Variants in SHB observed in about 807,000 individuals in gnomAD.
The protein encoded by SHB is SH2 domain containing adaptor protein B.
SHB carries 20 observed loss-of-function variants against 52.3 expected under a neutral mutation model. The ratio of observed to expected loss-of-function variants is 0.38; its 90% CI spans 0.27 to 0.56. SHB has a LOEUF of 0.56. Ranked by LOEUF, SHB falls within the 20% of genes least tolerant of loss-of-function variation. The pLI is 0.71. For missense variants in SHB, 825 were observed against 723.3 expected (o/e 1.14, Z -1.61); for synonymous variants, 397 against 316.5 (o/e 1.25, Z -2.70).
At chr9:38,023,631 CA>C (rs972522133) in intron 1 of SHB, among the ~76,000 whole-genome samples, 1 of 152,320 alleles carries the variant, frequency 6.6e-6, no homozygotes, top group East Asian at 1.9e-4. Flanking sequence ...TTCTCAAACA[CA>C]AAAAGGAAAA....
In SHB at chr9:37,955,784, G is replaced by A. The variant is rs764991600; in HGVS notation, c.1226+99C>T. ...ATTACAGGTGTGAGCCACCACGCCCGGCCCAGTCTGTGGATTTTTAAAAGA... is the reference window on the plus strand; with the variant it reads ...ATTACAGGTGTGAGCCACCACGCCCAGCCCAGTCTGTGGATTTTTAAAAGA... On this transcript the variant is annotated intron_variant, in intron 4 of 5. Coordinates refer to ENST00000377707, the MANE Select transcript of SHB (RefSeq NM_003028.3). 1.2e-4 allele frequency: 150 copies of A among 1,209,182 alleles called. 1 individual carries two copies. In the East Asian group the frequency reaches 1.3e-3, roughly 11 times the overall value. The allele number at this position is 1,209,182 out of a possible 1,614,324, so 74.9% of individuals were successfully genotyped here. A position where few individuals can be genotyped will look rare whatever the true frequency, so the allele number is the denominator to read the frequency against.
intron 3 of SHB, among the ~76,000 whole-genome samples, chr9:37,957,991 C>T (rs1462132348): frequency 2.6e-5 from 4 of 152,180 alleles, no homozygotes; most frequent in African/African-American, 4.8e-5. Flanking sequence ...AGCTGGGCTT[C>T]CTAGTCTTGG....
At chr9:38,050,279 CT>C (rs1821722674) in intron 1 of SHB, among the ~76,000 whole-genome samples, 4 of 152,168 alleles carry the variant, frequency 2.6e-5, no homozygotes, top group Admixed American at 2.6e-4. Context: ...GAAAGGTTCC[CT>C]TTTACCACTA....
intron 1 of SHB, among the ~76,000 whole-genome samples, chr9:38,038,225 G>A (rs1829276296): frequency 6.6e-6 from 1 of 152,146 alleles, no homozygotes; most frequent in Non-Finnish European, 1.5e-5. Flanking sequence ...ACAGGCACCA[G>A]GCGTGGTCAG....
chr9:37,928,733 G>C (rs1832278707), intron 5 of SHB, among the ~76,000 whole-genome samples: 1 of 152,242 alleles, frequency 6.6e-6, no homozygotes, highest in Non-Finnish European at 1.5e-5. Flanking sequence ...AAGTGTGAAC[G>C]TCTGACGAAT....
At chr9:37,985,572 C>A (rs964561435) in intron 2 of SHB, among the ~76,000 whole-genome samples, 1 of 152,220 alleles carries the variant, frequency 6.6e-6, no homozygotes, top group Non-Finnish European at 1.5e-5. Context: ...GCTCTGGGGG[C>A]CAAAAGCAGG....
At chr9:37,974,882 C>T (rs1228658545) in intron 2 of SHB, 45 bp from the exon 3 acceptor site, 21 of 1,480,972 alleles carry the variant, frequency 1.4e-5, no homozygotes, top group Non-Finnish European at 2.0e-5. Context: ...GGATACTGCA[C>T]TTCCTCACCT....
chr9:37,998,923 C>T (rs1372089925), intron 2 of SHB, among the ~76,000 whole-genome samples: 1 of 152,232 alleles, frequency 6.6e-6, no homozygotes, highest in East Asian at 1.9e-4. Flanking sequence ...AAGCTCTGTG[C>T]TAGGCTCTGG....
chr9:38,008,406 A>C (rs1317194001), intron 2 of SHB, among the ~76,000 whole-genome samples: 1 of 152,248 alleles, frequency 6.6e-6, no homozygotes, highest in Non-Finnish European at 1.5e-5. Flanking sequence ...CAGGTGACTA[A>C]TATGAAATCT....
chr9:37,939,845 A>C (rs962323725), intron 5 of SHB, among the ~76,000 whole-genome samples: 11 of 152,204 alleles, frequency 7.2e-5, no homozygotes, highest in Admixed American at 7.2e-4. Flanking sequence ...CTCTTCTTGA[A>C]CATACTATCA....
At chr9:38,003,014 G>C (rs554318528) in intron 2 of SHB, among the ~76,000 whole-genome samples, 1 of 152,300 alleles carries the variant, frequency 6.6e-6, no homozygotes, top group African/African-American at 2.4e-5. Context: ...ATGAAAATTA[G>C]TTTCAAGTCT....
At chr9:38,009,563 C>A (rs1265309351) in intron 2 of SHB, among the ~76,000 whole-genome samples, 2 of 152,246 alleles carry the variant, frequency 1.3e-5, no homozygotes, top group African/African-American at 4.8e-5. Context: ...GTACTTCCTG[C>A]CTCCTTTCTC....
intron 2 of SHB, among the ~76,000 whole-genome samples, chr9:37,998,386 T>C (rs1820975089): frequency 6.6e-6 from 1 of 152,202 alleles, no homozygotes. Flanking sequence ...CAGGGCCAGA[T>C]ACATGGTCTC....
chr9:37,964,980 C>G (rs1243962866), intron 3 of SHB, among the ~76,000 whole-genome samples: 1 of 152,232 alleles, frequency 6.6e-6, no homozygotes, highest in African/African-American at 2.4e-5. Context: ...CAGTATGTCT[C>G]CCGACACTTT....
intron 2 of SHB, among the ~76,000 whole-genome samples, chr9:38,009,735 C>T (rs896533513): frequency 2.6e-5 from 4 of 152,192 alleles, no homozygotes; most frequent in Non-Finnish European, 4.4e-5. Flanking sequence ...TTCATCTGGA[C>T]GGTGCCTACT....
chr9:37,990,260 T>C (rs1421116120), intron 2 of SHB, among the ~76,000 whole-genome samples: 2 of 152,018 alleles, frequency 1.3e-5, no homozygotes, highest in Non-Finnish European at 2.9e-5. Context: ...GTGTTGGAGG[T>C]GGTACAGGGG....
At chr9:38,061,648 G>C (rs1170157951) in intron 1 of SHB, among the ~76,000 whole-genome samples, 1 of 152,216 alleles carries the variant, frequency 6.6e-6, no homozygotes, top group Admixed American at 6.5e-5. Context: ...GGGGCAAAGA[G>C]AGGATAGGGT....
rs1245372862 is a variant in SHB, at chr9:38,067,971, G to T, written c.675C>A (p.Ala225=). The T allele has an allele frequency of 6.4e-7, 1 of 1,552,714 alleles. No individual in the cohort carries two copies. The highest frequency in any genetic ancestry group is 2.5e-5 in the East Asian group (1 of 40,516). Residue 225 remains alanine (A), a synonymous_variant, in exon 1 of 6, where the codon GCC becomes GCA. Coordinates refer to ENST00000377707, the MANE Select transcript of SHB (RefSeq NM_003028.3). ...CCCCGCTCTCCTCCGCGGCTGAGGC[G>T]GCGCACTTGTTGAGCAGTTTCTTGC... The part of the protein sequence containing the change: ...CGGKKLLNKC[A]ASAAEESGAG...
intron 1 of SHB, among the ~76,000 whole-genome samples, chr9:38,019,463 A>T (rs1433630283): frequency 6.6e-6 from 1 of 152,198 alleles, no homozygotes; most frequent in African/African-American, 2.4e-5. Context: ...TATCTTAGAA[A>T]CTTCACTTTG....
Sources: allele counts gnomAD v4.1 joint callset (sites outside exome capture counted in the v4.1 genomes callset), GRCh38; gene constraint gnomAD v4.1.1; transcripts MANE v1.5; gene names NCBI Gene and HGNC (gene_info 2026-07-23, HGNC 2026-07-21).